The following ZFAND3 variants were observed in gnomAD, a reference collection of about 807,000 sequenced individuals.
ZFAND3 encodes the protein zinc finger AN1-type containing 3, also known as AN1-type zinc finger protein 3.
ZFAND3 carries 10 observed loss-of-function variants against 29.6 expected under a neutral mutation model. That is an observed-to-expected ratio of 0.34 (90% CI 0.21 to 0.57). The LOEUF is 0.57. Among genes scored for constraint, ZFAND3 ranks in the 20% least tolerant of loss-of-function variants. The pLI, the probability that ZFAND3 is intolerant of heterozygous loss-of-function variation, is 0.86. For missense variants in ZFAND3, 230 were observed against 304.5 expected (o/e 0.76, Z 1.82); for synonymous variants, 128 against 112.6 (o/e 1.14, Z -0.87).
chr6:38,148,766 A>G (rs1766160707), intron 5 of ZFAND3, among the ~76,000 whole-genome samples: 1 of 151,854 alleles, frequency 6.6e-6, no homozygotes, highest in South Asian at 2.1e-4. Context: ...ATCCAGGACA[A>G]CCCCCTTCTG....
chr6:38,019,947 T>A (rs1431300465), intron 2 of ZFAND3, among the ~76,000 whole-genome samples: 1 of 152,208 alleles, frequency 6.6e-6, no homozygotes, highest in Admixed American at 6.5e-5. Flanking sequence ...CTCAAACTCC[T>A]GGCCTCAAGT....
At chr6:37,840,667 G>T (rs1010382036) in intron 1 of ZFAND3, among the ~76,000 whole-genome samples, 2 of 152,184 alleles carry the variant, frequency 1.3e-5, no homozygotes, top group African/African-American at 4.8e-5. Context: ...TGAATTTGGG[G>T]AATGTCTCCA....
intron 5 of ZFAND3, among the ~76,000 whole-genome samples, chr6:38,135,590 C>G (rs957755976): frequency 3.8e-4 from 58 of 152,090 alleles, no homozygotes; most frequent in African/African-American, 1.3e-3. Context: ...ACTAAAAATA[C>G]AAAAATTAGC....
At chr6:38,090,984 C>A (rs1425706929) in intron 4 of ZFAND3, among the ~76,000 whole-genome samples, 4 of 152,138 alleles carry the variant, frequency 2.6e-5, no homozygotes, top group Admixed American at 2.6e-4. Flanking sequence ...TACTTAAAGT[C>A]AAAAACTTGT....
chr6:37,819,856 CGACG>C lies in ZFAND3; in HGVS notation c.-89_-86del. On this transcript the variant is annotated 5_prime_UTR_variant, in exon 1 of 6. Transcript: ENST00000287218. ...CCCCCTCCCCCCGCCCCGAGCCCCC[CGACG>C]CCGCCGCCACCGCCTCCTCAGAGCG... 4 of 998,094 alleles carry C rather than the reference CGACG, an allele frequency of 4.0e-6. No individual in the cohort carries two copies. Among genetic ancestry groups the C allele is most frequent in the Non-Finnish European group, 5.0e-6 (4 of 804,832 alleles). The allele number at this position is 998,094 out of a possible 1,614,324, so 61.8% of individuals were successfully genotyped here.
intron 4 of ZFAND3, among the ~76,000 whole-genome samples, chr6:38,103,039 G>A (rs909996193): frequency 2.0e-5 from 3 of 152,158 alleles, no homozygotes; most frequent in African/African-American, 7.2e-5. Flanking sequence ...TTATAGGCGT[G>A]AGCCACCGCG....
intron 2 of ZFAND3, among the ~76,000 whole-genome samples, chr6:38,055,693 C>A (rs921850570): frequency 1.3e-5 from 2 of 152,156 alleles, no homozygotes; most frequent in East Asian, 1.9e-4. Flanking sequence ...TAAGTTGGAA[C>A]AAGTGCAGTT....
At chr6:37,971,929 C>T (rs942130110) in intron 2 of ZFAND3, among the ~76,000 whole-genome samples, 4 of 151,368 alleles carry the variant, frequency 2.6e-5, no homozygotes, top group Non-Finnish European at 4.4e-5. Context: ...GAGCCGTGAT[C>T]TTGCCACTGC....
chr6:38,093,147 A>G (rs76513851), intron 4 of ZFAND3, among the ~76,000 whole-genome samples: 2,489 of 152,332 alleles, frequency 0.016, 39 homozygotes, highest in Middle Eastern at 0.041. Flanking sequence ...ATATAAAGTA[A>G]TACTTGACTT....
intron 2 of ZFAND3, among the ~76,000 whole-genome samples, chr6:38,041,732 C>T (rs1205639552): frequency 0.11 from 150 of 1,386 alleles, 18 homozygotes; most frequent in Non-Finnish European, 0.39. Context: ...TCCTCCTCCT[C>T]CTCCTCCTCC....
intron 3 of ZFAND3, among the ~76,000 whole-genome samples, chr6:38,067,005 C>T (rs951697087): frequency 2.0e-5 from 3 of 152,260 alleles, no homozygotes; most frequent in African/African-American, 7.2e-5. Flanking sequence ...AAACAAAATT[C>T]AAATAGTGAC....
chr6:37,918,925 G>C (rs1761318099), intron 1 of ZFAND3, among the ~76,000 whole-genome samples: 1 of 140,748 alleles, frequency 7.1e-6, no homozygotes, highest in Non-Finnish European at 1.5e-5. Context: ...GAAGTTTTCT[G>C]TGTGTTTTCA....
chr6:38,044,058 C>T (rs1355141243), intron 2 of ZFAND3, among the ~76,000 whole-genome samples: 1 of 152,198 alleles, frequency 6.6e-6, no homozygotes, highest in Non-Finnish European at 1.5e-5. Flanking sequence ...TCAGGGCCAA[C>T]AGTCAAAAAT....
chr6:38,098,503 T>TG (rs1765027521), intron 4 of ZFAND3, among the ~76,000 whole-genome samples: 1 of 146,662 alleles, frequency 6.8e-6, no homozygotes, highest in African/African-American at 2.6e-5. Context: ...GTATTGCCCA[T>TG]CTTTTTTTTT....
chr6:37,905,338 G>GT (rs1765389075), intron 1 of ZFAND3, among the ~76,000 whole-genome samples: 1 of 152,076 alleles, frequency 6.6e-6, no homozygotes, highest in Non-Finnish European at 1.5e-5. Context: ...AGGAATCTGT[G>GT]TTTTTTAATA....
At chr6:37,927,300 A>G (rs940967714) in intron 1 of ZFAND3, among the ~76,000 whole-genome samples, 3 of 152,206 alleles carry the variant, frequency 2.0e-5, no homozygotes, top group Non-Finnish European at 4.4e-5. Flanking sequence ...AAGGCTTTCC[A>G]TGATTCCTGC....
chr6:38,084,897 A>G (rs1213203166), intron 4 of ZFAND3, among the ~76,000 whole-genome samples: 1 of 152,262 alleles, frequency 6.6e-6, no homozygotes, highest in Non-Finnish European at 1.5e-5. Context: ...CTTCTTTTCA[A>G]GAAGACTGTT....
chr6:38,121,444 G>C (rs529229714), intron 5 of ZFAND3, among the ~76,000 whole-genome samples: 1 of 152,304 alleles, frequency 6.6e-6, no homozygotes, highest in South Asian at 2.1e-4. Context: ...AATTTACCTG[G>C]AGGGCATGTT....
intron 3 of ZFAND3, among the ~76,000 whole-genome samples, chr6:38,081,748 C>T (rs976997007): frequency 6.6e-6 from 1 of 152,052 alleles, no homozygotes; most frequent in African/African-American, 2.4e-5. Flanking sequence ...ACAACTATAT[C>T]TCTTGCATAC....
Sources: gnomAD v4.1 joint callset for allele counts (sites outside exome capture counted in the v4.1 genomes callset) on GRCh38, gnomAD v4.1.1 for gene constraint, MANE v1.5 for transcripts, NCBI Gene and HGNC (gene_info 2026-07-23, HGNC 2026-07-21) for gene names.